GPR139: variants seen among roughly 807,000 people sequenced by gnomAD.
GPR139 encodes probable G protein-coupled receptor 139.
GPR139 carries 12 observed loss-of-function variants against 25.8 expected under a neutral mutation model. The observed-to-expected ratio is 0.47, with a 90% CI of 0.30 to 0.75. GPR139 has a LOEUF of 0.75. Among genes scored for constraint, GPR139 ranks in the 30% least tolerant of loss-of-function variants. The probability of loss-of-function intolerance (pLI) is 0.07; values close to 1 mark genes in which losing one functional copy is unlikely to be tolerated. For synonymous variants in GPR139, 184 were observed against 179.9 expected, an observed-to-expected ratio of 1.02 and a Z score of -0.18; for missense variants, 380 against 450.2, an observed-to-expected ratio of 0.84 and a Z score of 1.41.
At chr16:20,035,772 G>T (rs888927368) in intron 1 of GPR139, among the ~76,000 whole-genome samples, 17 of 152,178 alleles carry the variant, frequency 1.1e-4, no homozygotes, top group African/African-American at 2.4e-5. Context: ...AATGTTCTGA[G>T]GGGGAGAAGT....
chr16:20,073,557 G>A lies in GPR139; in HGVS notation c.60C>T (p.Gly20=). 1 of 1,611,792 alleles carries A rather than the reference G, an allele frequency of 6.2e-7. No homozygotes were observed. The highest frequency in any genetic ancestry group is 8.5e-7 in the Non-Finnish European group (1 of 1,179,262). The change falls in exon 1 of 2, where the codon GGC becomes GGT. Residue 20 remains glycine, a synonymous_variant. Transcript: ENST00000570682. This position sits in a 1 kb window ranked among gnomAD's most constrained non-coding sequence, Gnocchi z 4.7. The part of the protein sequence containing the change: ...ANSSLSWWSP[G]SACGLGFVPV... ...GCACGAAACCCAAGCCGCAGGCCGA[G>A]CCGGGGGACCACCAAGACAGCGAGC...
At position 20,032,257 on chromosome 16, in the gene GPR139, A is replaced by T. The variant is rs1373611772; in HGVS notation, c.540T>A (p.His180Gln). ...WTEDYISTSVHHVLIWIHCFT... is the reference protein window; with the variant it reads ...WTEDYISTSVQHVLIWIHCFT... ...AGCAGTGGATCCAGATGAGGACGTG[A>T]TGCACAGAGGTGCTGATGTAGTCTT... The change falls in exon 2 of 2, where the codon CAT (histidine) becomes CAA (glutamine). Residue 180 changes from histidine to glutamine, a missense_variant. Coordinates refer to ENST00000570682, the MANE Select transcript of GPR139 (RefSeq NM_001002911.4). 6.2e-7 allele frequency: 1 copy of T among 1,614,184 alleles called. No homozygotes were observed. Among genetic ancestry groups the T allele is most frequent in the East Asian group, 2.2e-5 (1 of 44,882 alleles).
chr16:20,058,075 A>G (rs1278989072), intron 1 of GPR139, among the ~76,000 whole-genome samples: 2 of 152,190 alleles, frequency 1.3e-5, no homozygotes, highest in Non-Finnish European at 2.9e-5. Flanking sequence ...GTTTTTAAAA[A>G]AGGAACTCTT....
chr16:20,032,116 G>T lies in GPR139; in HGVS notation c.681C>A (p.Thr227=). 1 of 1,614,192 alleles carries T rather than the reference G, an allele frequency of 6.2e-7. No homozygotes were observed. The highest frequency in any genetic ancestry group is 8.5e-7 in the Non-Finnish European group (1 of 1,180,022). The change falls in exon 2 of 2, where the codon ACC becomes ACA. Residue 227 remains threonine (T), a synonymous_variant. Transcript: ENST00000570682. ...TGGAGGTAATGGTGAACAAGATGGC[G>T]GTGGTCTTCCCCGTGGAGTAGCCAC... ...RLRGYSTGKT[T]AILFTITSIF... is the part of the protein sequence containing the mutation.
intron 1 of GPR139, among the ~76,000 whole-genome samples, chr16:20,060,316 G>T (rs1400626486): frequency 6.6e-6 from 1 of 151,718 alleles, no homozygotes; most frequent in East Asian, 1.9e-4. Context: ...TCTGTGTGTG[G>T]TGTGTATCTG....
At chr16:20,037,935 AC>A (rs2057315910) in intron 1 of GPR139, among the ~76,000 whole-genome samples, 1 of 152,056 alleles carries the variant, frequency 6.6e-6, no homozygotes, top group Admixed American at 6.5e-5. Flanking sequence ...ATCTCGGCTC[AC>A]TGCAACCTCC....
chr16:20,056,203 G>A (rs2057388020), intron 1 of GPR139, among the ~76,000 whole-genome samples: 1 of 152,202 alleles, frequency 6.6e-6, no homozygotes, highest in Non-Finnish European at 1.5e-5. Flanking sequence ...CCCAACCCAA[G>A]ACTGGGGTTG....
At chr16:20,066,318 C>T (rs1469452856) in intron 1 of GPR139, among the ~76,000 whole-genome samples, 2 of 152,210 alleles carry the variant, frequency 1.3e-5, no homozygotes. Context: ...TCCAGGACAA[C>T]CTTGCTGGTG....
intron 1 of GPR139, among the ~76,000 whole-genome samples, chr16:20,061,971 A>G (rs2057415869): frequency 6.6e-6 from 1 of 152,196 alleles, no homozygotes; most frequent in Non-Finnish European, 1.5e-5. Context: ...CAGTTTTTCC[A>G]TCAAGGGCAT....
chr16:20,048,068 C>G (rs1194118073), intron 1 of GPR139, among the ~76,000 whole-genome samples: 1 of 152,110 alleles, frequency 6.6e-6, no homozygotes, highest in Non-Finnish European at 1.5e-5. Flanking sequence ...TCCTGGCATA[C>G]AGTAGGTTCT....
chr16:20,035,806 C>A (rs1334096004), intron 1 of GPR139, among the ~76,000 whole-genome samples: 1 of 152,184 alleles, frequency 6.6e-6, no homozygotes, highest in African/African-American at 2.4e-5. Context: ...TTTATTAAGA[C>A]AAAGAATACT....
chr16:20,045,783 C>G (rs989939005), intron 1 of GPR139, among the ~76,000 whole-genome samples: 1 of 152,148 alleles, frequency 6.6e-6, no homozygotes, highest in Admixed American at 6.5e-5. Context: ...TTTTCAATAG[C>G]GAATGATGCT....
intron 1 of GPR139, among the ~76,000 whole-genome samples, chr16:20,043,708 A>G (rs1282515026): frequency 6.6e-6 from 1 of 152,230 alleles, no homozygotes; most frequent in African/African-American, 2.4e-5. Context: ...GTACCTTGAA[A>G]GGACTTGATG....
rs1345333213 is a variant in GPR139 at position 20,032,382 on chromosome 16, C to A, written c.415G>T (p.Val139Phe). 6.2e-7 allele frequency: 1 copy of A among 1,614,164 alleles called. No homozygotes were observed. The highest frequency in any genetic ancestry group is 1.1e-5 in the South Asian group (1 of 91,078). The change falls in exon 2 of 2, where the codon GTC (valine) becomes TTC (phenylalanine). Residue 139 changes from valine (V) to phenylalanine (F), a missense_variant. By Grantham distance (50) the Val-to-Phe change is conservative. Transcript: ENST00000570682. Reference protein sequence around the residue: ...AVCHPLKYHTVSYPARTRKVI... With the variant: ...AVCHPLKYHTFSYPARTRKVI... ...TTCCGGGTGCGGGCTGGGTATGAGA[C>A]CGTGTGGTACTTGAGCGGGTGGCAG...
intron 1 of GPR139, among the ~76,000 whole-genome samples, chr16:20,038,595 C>T (rs1161072542): frequency 3.3e-5 from 5 of 152,002 alleles, no homozygotes. Flanking sequence ...GAAACTAACC[C>T]GCAGACACTG....
chr16:20,072,079 G>A (rs1336714243), intron 1 of GPR139, among the ~76,000 whole-genome samples: 1 of 152,148 alleles, frequency 6.6e-6, no homozygotes, highest in Admixed American at 6.5e-5. Flanking sequence ...GGGGGAGGTG[G>A]AACCTGGACT....
At chr16:20,041,126 GAA>G (rs1408322774) in intron 1 of GPR139, among the ~76,000 whole-genome samples, 15 of 1,072 alleles carry the variant, frequency 0.014, no homozygotes, top group African/African-American at 0.13. Context: ...GAAAGGAAAG[GAA>G]AGGAGAGGAG....
chr16:20,063,258 G>T (rs1309462455), intron 1 of GPR139, among the ~76,000 whole-genome samples: 2 of 152,200 alleles, frequency 1.3e-5, no homozygotes, highest in Non-Finnish European at 2.9e-5. Context: ...GAAATACAAT[G>T]ACCATACAAG....
chr16:20,057,508 C>CCAT (rs1466904881), intron 1 of GPR139, among the ~76,000 whole-genome samples: 1 of 151,088 alleles, frequency 6.6e-6, no homozygotes, highest in African/African-American at 2.4e-5. Context: ...TCCATCTATA[C>CCAT]CATCCATCCA....
Sources: gnomAD v4.1 joint callset for allele counts (sites outside exome capture counted in the v4.1 genomes callset) on GRCh38, gnomAD v4.1.1 for gene constraint, Gnocchi (gnomAD v3.1) non-coding constraint, MANE v1.5 for transcripts, NCBI Gene and HGNC (gene_info 2026-07-23, HGNC 2026-07-21) for gene names.